Variants in SHPRH observed in about 807,000 individuals in gnomAD.
The protein encoded by SHPRH is E3 ubiquitin-protein ligase SHPRH.
SHPRH carries 106 observed loss-of-function variants against 202.5 expected under a neutral mutation model. The observed-to-expected ratio is 0.52, with a 90% CI of 0.45 to 0.62. The LOEUF is 0.62. SHPRH is among the 20% of genes least tolerant of loss of function. The pLI, the probability that SHPRH is intolerant of heterozygous loss-of-function variation, is 0.00. For synonymous variants in SHPRH, 729 were observed against 686.0 expected (o/e 1.06, Z -0.98); for missense variants, 1,710 against 2,020.0 (o/e 0.85, Z 2.94).
At chr6:145,911,267 G>C (rs4435956) in intron 24 of SHPRH, among the ~76,000 whole-genome samples, 95,572 of 151,812 alleles carry the variant, frequency 0.63, 30,612 homozygotes, top group African/African-American at 0.73. Context: ...CTCTTGAGTA[G>C]CTGGGATTAC....
At chr6:145,891,887 A>C (rs368714860) in intron 28 of SHPRH, among the ~76,000 whole-genome samples, 15 of 152,304 alleles carry the variant, frequency 9.8e-5, no homozygotes, top group East Asian at 9.6e-4. Context: ...TTGGTAGGAC[A>C]AAAAATCAAT....
At chr6:145,936,316 G>A (rs1786064083) in intron 11 of SHPRH, among the ~76,000 whole-genome samples, 1 of 151,976 alleles carries the variant, frequency 6.6e-6, no homozygotes, top group Non-Finnish European at 1.5e-5. Flanking sequence ...TGAAGACTAT[G>A]AGTGTAATTT....
At chr6:145,934,120 C>G (rs1478336733) in intron 13 of SHPRH, among the ~76,000 whole-genome samples, 1 of 152,056 alleles carries the variant, frequency 6.6e-6, no homozygotes, top group South Asian at 2.1e-4. Context: ...AGGAGGACTG[C>G]TTGGGGCCAG....
intron 5 of SHPRH, 73 bp downstream of exon 5, chr6:145,948,199 T>C (rs1023539834): frequency 3.5e-6 from 4 of 1,151,762 alleles, no homozygotes; most frequent in Non-Finnish European, 1.2e-6. Flanking sequence ...GTTACAGATA[T>C]GCTAACAATC....
intron 1 of SHPRH, among the ~76,000 whole-genome samples, chr6:145,957,509 T>C (rs573893796): frequency 6.0e-4 from 91 of 152,198 alleles, no homozygotes; most frequent in African/African-American, 2.1e-3. Flanking sequence ...CACAAATTAA[T>C]AGTAAGACAA....
intron 25 of SHPRH, chr6:145,906,885 G>A (rs765271222): frequency 2.6e-5 from 4 of 152,186 alleles, no homozygotes; most frequent in African/African-American, 7.2e-5. Flanking sequence ...CAGCACTACT[G>A]TCTCCTCACC....
chr6:145,946,424 T>C lies in SHPRH; in HGVS notation c.1213-83A>G. The C allele has an allele frequency of 6.3e-6, 7 of 1,118,650 alleles. No homozygotes were observed. In the South Asian group the frequency reaches 8.9e-5, roughly 14 times the overall value. 69.3% of individuals were successfully genotyped at this position (1,118,650 alleles called of 1,614,324 possible). A position where few individuals can be genotyped will look rare whatever the true frequency, so the allele number is the denominator to read the frequency against. On this transcript the variant is annotated intron_variant, in intron 6 of 29. Coordinates refer to ENST00000275233, the MANE Select transcript of SHPRH (RefSeq NM_001042683.3). ...CTTATTGAAATTAACTTTCCTTCTT[T>C]ATGGAAATGCAAAACAGTTCTAAAA... is the stretch of plus-strand genomic sequence containing the variant.
chr6:145,922,178 C>A, intron 20 of SHPRH, 108 bp downstream of exon 20: 1 of 923,990 alleles, frequency 1.1e-6, no homozygotes, highest in Non-Finnish European at 1.6e-6. Flanking sequence ...ATTAAAGAAA[C>A]AATATAATAA....
chr6:145,930,557 T>C (rs1785331803), intron 14 of SHPRH, among the ~76,000 whole-genome samples: 1 of 152,202 alleles, frequency 6.6e-6, no homozygotes, highest in Non-Finnish European at 1.5e-5. Context: ...CCTTCTGTTA[T>C]TGGTATCTAC....
chr6:145,880,098 T>C (rs1316804401), downstream of SHPRH, among the ~76,000 whole-genome samples: 1 of 152,110 alleles, frequency 6.6e-6, no homozygotes, highest in African/African-American at 2.4e-5. Flanking sequence ...ATTTTCTCAA[T>C]GTTTAGGTTT....
At chr6:145,869,705 C>A (rs1368998297) in intron 2 of SHPRH, among the ~76,000 whole-genome samples, 1 of 152,108 alleles carries the variant, frequency 6.6e-6, no homozygotes, top group South Asian at 2.1e-4. Context: ...TTTACAAATA[C>A]CACACTGTCT....
intron 25 of SHPRH, chr6:145,907,227 T>A (rs1407468154): frequency 6.6e-6 from 1 of 152,074 alleles, no homozygotes; most frequent in African/African-American, 2.4e-5. Context: ...CCAGGGGTGA[T>A]CTATGAAATT....
chr6:145,956,666 A>G (rs896405228), intron 1 of SHPRH, among the ~76,000 whole-genome samples: 1 of 152,080 alleles, frequency 6.6e-6, no homozygotes, highest in Non-Finnish European at 1.5e-5. Context: ...TTTTTTCTTG[A>G]TTTTTAAATT....
intron 13 of SHPRH, 124 bp from the exon 14 acceptor site, chr6:145,933,302 T>A: frequency 7.5e-7 from 1 of 1,334,476 alleles, no homozygotes; most frequent in Non-Finnish European, 1.0e-6. Context: ...ATCTCTAGCA[T>A]TTTTTTTCGC....
At chr6:145,891,980 A>G (rs1781606430) in intron 28 of SHPRH, among the ~76,000 whole-genome samples, 1 of 152,168 alleles carries the variant, frequency 6.6e-6, no homozygotes. Flanking sequence ...ATGTTAGAAC[A>G]AGCCCGCATT....
At chr6:145,952,610 A>AC in intron 2 of SHPRH, 132 bp from the exon 3 acceptor site, 1 of 718,818 alleles carries the variant, frequency 1.4e-6, no homozygotes, top group Non-Finnish European at 2.0e-6. Context: ...AACAATAAAT[A>AC]CATGCCTACC....
chr6:145,895,947 A>G (rs1261356233), intron 25 of SHPRH, among the ~76,000 whole-genome samples: 3 of 152,064 alleles, frequency 2.0e-5, no homozygotes, highest in African/African-American at 7.2e-5. Context: ...TGAGATATTA[A>G]ATATGAGCAC....
chr6:145,951,897 C>T (rs1404146492), intron 3 of SHPRH: 1 of 455,924 alleles, frequency 2.2e-6, no homozygotes, highest in Non-Finnish European at 4.4e-6. Context: ...AACTCTGAAT[C>T]TGCAGTCCTG....
intron 14 of SHPRH, among the ~76,000 whole-genome samples, chr6:145,932,276 C>T (rs997173889): frequency 1.3e-5 from 2 of 152,036 alleles, no homozygotes; most frequent in African/African-American, 4.8e-5. Flanking sequence ...ACTTTGCTTC[C>T]AGCCAAGATA....
Sources: gnomAD v4.1 joint callset for allele counts (sites outside exome capture counted in the v4.1 genomes callset) on GRCh38, gnomAD v4.1.1 for gene constraint, MANE v1.5 for transcripts, NCBI Gene and HGNC (gene_info 2026-07-23, HGNC 2026-07-21) for gene names.